TAFA2: variants seen among roughly 807,000 people sequenced by gnomAD.
TAFA2 encodes the protein TAFA chemokine like family member 2.
Under a neutral mutation model 18.8 loss-of-function variants are expected in TAFA2, and 7 were observed. That is an observed-to-expected ratio of 0.37 (90% CI 0.21 to 0.70). TAFA2 has a LOEUF of 0.70. Among genes scored for constraint, TAFA2 ranks in the 30% least tolerant of loss-of-function variants. TAFA2 has a pLI of 0.53. For missense variants in TAFA2, 122 were observed against 158.1 expected, an observed-to-expected ratio of 0.77 and a Z score of 1.23; for synonymous variants, 60 against 54.2, an observed-to-expected ratio of 1.11 and a Z score of -0.47.
intron 2 of TAFA2, among the ~76,000 whole-genome samples, chr12:61,830,564 G>T (rs924250124): frequency 1.3e-5 from 2 of 151,838 alleles, no homozygotes; most frequent in African/African-American, 4.8e-5. Context: ...TGGGCATAGA[G>T]GGGAAATAAT....
intron 1 of TAFA2, among the ~76,000 whole-genome samples, chr12:61,915,857 G>T (rs1876802047): frequency 1.3e-5 from 2 of 152,134 alleles, no homozygotes; most frequent in African/African-American, 2.4e-5. Flanking sequence ...GCATGAGTCT[G>T]CTTTACTCAG....
intron 1 of TAFA2, among the ~76,000 whole-genome samples, chr12:62,060,392 A>G (rs1277058682): frequency 6.6e-6 from 1 of 152,194 alleles, no homozygotes; most frequent in African/African-American, 2.4e-5. Flanking sequence ...TCAATGCATT[A>G]CTCAGTTTGT....
intron 1 of TAFA2, among the ~76,000 whole-genome samples, chr12:61,883,442 T>G (rs1875236906): frequency 6.6e-6 from 1 of 152,136 alleles, no homozygotes; most frequent in African/African-American, 2.4e-5. Context: ...TGTGGAAACA[T>G]GGTATATTCA....
At chr12:62,024,784 A>T (rs1177483914) in intron 1 of TAFA2, among the ~76,000 whole-genome samples, 1 of 152,014 alleles carries the variant, frequency 6.6e-6, no homozygotes, top group Non-Finnish European at 1.5e-5. Context: ...TAACCCCATT[A>T]AAAAAATGAG....
intron 2 of TAFA2, among the ~76,000 whole-genome samples, chr12:61,858,300 T>C (rs1380017289): frequency 6.6e-6 from 1 of 152,180 alleles, no homozygotes; most frequent in African/African-American, 2.4e-5. Flanking sequence ...ATTTCCTGTT[T>C]TAAACTGCCC....
At chr12:62,098,842 A>G (rs1265223669) in intron 1 of TAFA2, among the ~76,000 whole-genome samples, 1 of 152,206 alleles carries the variant, frequency 6.6e-6, no homozygotes, top group African/African-American at 2.4e-5. Context: ...TAACTTTCAG[A>G]GATATTACTA....
chr12:61,812,862 G>A (rs554988995), intron 2 of TAFA2, among the ~76,000 whole-genome samples: 1 of 151,392 alleles, frequency 6.6e-6, no homozygotes, highest in South Asian at 2.1e-4. Flanking sequence ...GAGCCACCAC[G>A]CCCAGCCAAC....
At chr12:61,776,091 C>A in intron 2 of TAFA2, 1 of 442,820 alleles carries the variant, frequency 2.3e-6, no homozygotes, top group East Asian at 6.1e-5. Flanking sequence ...CTAATGCTAC[C>A]ATGGCAAAAC....
In TAFA2 at chr12:62,088,824, G is replaced by GA. The variant is rs555442314; in HGVS notation, c.-2+102434dup. On this transcript the variant is annotated intron_variant, in intron 1 of 4. Transcript: ENST00000416284. ...CAAACACATTATTATTTTGCATTCT[G>GA]AAAAAAACCACAGGCTGATGTGGCC... Among the ~76,000 whole-genome samples the GA allele has an allele frequency of 6.5e-3, 991 of 151,818 alleles. 16 individuals are homozygous for GA. The highest frequency in any genetic ancestry group is 0.023 in the African/African-American group (936 of 41,410).
chr12:62,082,081 A>G (rs1868334182), intron 1 of TAFA2, among the ~76,000 whole-genome samples: 1 of 152,128 alleles, frequency 6.6e-6, no homozygotes, highest in South Asian at 2.1e-4. Flanking sequence ...GCTGAGGATA[A>G]TGGCTTCCAA....
At chr12:62,061,377 T>G (rs558267120) in intron 1 of TAFA2, among the ~76,000 whole-genome samples, 1 of 152,374 alleles carries the variant, frequency 6.6e-6, no homozygotes, top group Non-Finnish European at 1.5e-5. Context: ...AGTAACATGA[T>G]GTACATGTGT....
intron 1 of TAFA2, among the ~76,000 whole-genome samples, chr12:62,246,231 CCGCCT>C (rs1246078820): frequency 6.6e-6 from 1 of 152,162 alleles, no homozygotes; most frequent in Non-Finnish European, 1.5e-5. Flanking sequence ...CGTGATCTGC[CCGCCT>C]GGGCCTCCCA....
chr12:62,161,257 T>C (rs145089671), intron 1 of TAFA2, among the ~76,000 whole-genome samples: 2 of 152,322 alleles, frequency 1.3e-5, no homozygotes, highest in African/African-American at 4.8e-5. Flanking sequence ...CTCACACTCA[T>C]TTTTATCACA....
At chr12:62,168,440 A>G (rs938891285) in intron 1 of TAFA2, among the ~76,000 whole-genome samples, 3 of 152,248 alleles carry the variant, frequency 2.0e-5, no homozygotes, top group African/African-American at 7.2e-5. Context: ...TTCAATCAGC[A>G]AAATTCAGAC....
chr12:61,826,592 C>T (rs1230104300), intron 2 of TAFA2, among the ~76,000 whole-genome samples: 1 of 151,974 alleles, frequency 6.6e-6, no homozygotes, highest in Admixed American at 6.6e-5. Flanking sequence ...TATTTGAATG[C>T]CAATGTGTCA....
At chr12:61,964,234 T>C (rs976394375) in intron 1 of TAFA2, among the ~76,000 whole-genome samples, 1 of 152,008 alleles carries the variant, frequency 6.6e-6, no homozygotes, top group East Asian at 1.9e-4. Context: ...TGAGATCTAA[T>C]TGAACTAAAG....
At chr12:61,932,770 C>T (rs1877612965) in intron 1 of TAFA2, among the ~76,000 whole-genome samples, 1 of 152,118 alleles carries the variant, frequency 6.6e-6, no homozygotes, top group African/African-American at 2.4e-5. Context: ...CAGGACAGGC[C>T]CGCAAAGTAC....
chr12:61,875,654 AAGGACAGGGCTGGATAATTGAGATCTAG>A (rs1300442770), intron 1 of TAFA2, among the ~76,000 whole-genome samples: 1 of 152,160 alleles, frequency 6.6e-6, no homozygotes, highest in Non-Finnish European at 1.5e-5. Context: ...GATGTTTGTA[AAGGACAGGGCTGGATAATTGAGATCTAG>A]ACAACACTAA....
At position 61,986,411 on chromosome 12, in the gene TAFA2, G is replaced by T. The variant is rs1188619451; in HGVS notation, c.-1-118985C>A. 2.0e-5 allele frequency among the ~76,000 whole-genome samples: 3 copies of T among 149,832 alleles called. No individual in the cohort carries two copies. The East Asian group carries it at 5.9e-4, about 29-fold the overall frequency. Reference sequence around the variant, plus strand: ...ACTCCTGACCTCAAGTGATCTGCCTGCCTCAGCCTCCCAAAGTGCTGGTAT... The same window carrying T: ...ACTCCTGACCTCAAGTGATCTGCCTTCCTCAGCCTCCCAAAGTGCTGGTAT... On this transcript the variant is annotated intron_variant, in intron 1 of 4. Coordinates refer to ENST00000416284, the MANE Select transcript of TAFA2 (RefSeq NM_178539.5).
Sources: allele counts gnomAD v4.1 joint callset (sites outside exome capture counted in the v4.1 genomes callset), GRCh38; gene constraint gnomAD v4.1.1; transcripts MANE v1.5; gene names NCBI Gene and HGNC (gene_info 2026-07-23, HGNC 2026-07-21).